PTGIS: variants seen among roughly 807,000 people sequenced by gnomAD.
PTGIS encodes the protein prostacyclin synthase.
A neutral mutation model predicts 50.3 loss-of-function variants in PTGIS; 45 were observed. That is an observed-to-expected ratio of 0.90 (90% CI 0.70 to 1.15). The LOEUF is 1.15. PTGIS is among the 50% of genes most tolerant of loss of function. PTGIS has a pLI of 0.00. For synonymous variants in PTGIS, 260 were observed against 267.7 expected (o/e 0.97, Z 0.28); for missense variants, 668 against 661.3 (o/e 1.01, Z -0.11).
At chr20:49,522,654 T>C (rs749626360) in intron 6 of PTGIS, among the ~76,000 whole-genome samples, 16 of 152,062 alleles carry the variant, frequency 1.1e-4, no homozygotes, top group Non-Finnish European at 1.8e-4. Context: ...AAACAATTCT[T>C]CAAAATAACT....
intron 5 of PTGIS, among the ~76,000 whole-genome samples, chr20:49,537,110 T>G (rs529785736): frequency 2.0e-5 from 3 of 152,210 alleles, no homozygotes; most frequent in Non-Finnish European, 4.4e-5. Flanking sequence ...CCCAGCCTTC[T>G]CAGGACACTT....
chr20:49,522,633 A>G (rs982185704), intron 6 of PTGIS, among the ~76,000 whole-genome samples: 4 of 152,146 alleles, frequency 2.6e-5, no homozygotes, highest in African/African-American at 4.8e-5. Context: ...CAGTGTCTCA[A>G]TGGAACTTCT....
intron 3 of PTGIS, among the ~76,000 whole-genome samples, chr20:49,546,371 C>G (rs143803072): frequency 1.0e-3 from 159 of 152,338 alleles, no homozygotes; most frequent in African/African-American, 3.5e-3. Flanking sequence ...CACTCAGGCT[C>G]CAAGCAGCTG....
At chr20:49,566,339 T>C (rs1982899096) in intron 1 of PTGIS, among the ~76,000 whole-genome samples, 1 of 152,216 alleles carries the variant, frequency 6.6e-6, no homozygotes, top group Non-Finnish European at 1.5e-5. Flanking sequence ...AAGATCTGCT[T>C]GTAGCAAAAA....
chr20:49,522,791 G>A (rs1302375336), intron 6 of PTGIS, among the ~76,000 whole-genome samples: 1 of 152,196 alleles, frequency 6.6e-6, no homozygotes, highest in Non-Finnish European at 1.5e-5. Flanking sequence ...TTGGGAGGCT[G>A]AGGCTGGTGG....
intron 3 of PTGIS, among the ~76,000 whole-genome samples, chr20:49,544,832 C>A (rs1187635341): frequency 6.6e-6 from 1 of 152,158 alleles, no homozygotes; most frequent in Non-Finnish European, 1.5e-5. Context: ...AGAGTCTTTC[C>A]CTCCCTAAGG....
At chr20:49,556,230 G>C (rs1358269074) in intron 1 of PTGIS, among the ~76,000 whole-genome samples, 1 of 152,062 alleles carries the variant, frequency 6.6e-6, no homozygotes, top group Non-Finnish European at 1.5e-5. Flanking sequence ...GTAGTTATTT[G>C]CCTAAGTATC....
In PTGIS at chr20:49,560,438, C is replaced by G. The variant is rs148434914; in HGVS notation, c.74+7605G>C. Among the ~76,000 whole-genome samples the G allele has an allele frequency of 5.4e-5, 8 of 148,108 alleles. No individual in the cohort carries two copies. The East Asian group carries it at 1.6e-3, about 30-fold the overall frequency. ...CTAGGTTGATCTTAACTCTTGGGCT[C>G]AAGCACTCCCTGTCTCAGCCTCCCA... On this transcript the variant is annotated intron_variant, in intron 1 of 9. Transcript: ENST00000244043.
intron 7 of PTGIS, 115 bp from the exon 8 acceptor site, chr20:49,513,376 CT>C (rs1981380039): frequency 8.6e-7 from 1 of 1,168,800 alleles, no homozygotes; most frequent in African/African-American, 1.5e-5. Flanking sequence ...GGGTGCCTGC[CT>C]CGCCCACACA....
At chr20:49,557,583 G>A in intron 1 of PTGIS, among the ~76,000 whole-genome samples, 1 of 151,252 alleles carries the variant, frequency 6.6e-6, no homozygotes. Context: ...AAGAAGAAAA[G>A]AAAAGAAAAC....
intron 8 of PTGIS, among the ~76,000 whole-genome samples, chr20:49,512,279 G>C (rs1029470826): frequency 6.6e-6 from 1 of 151,932 alleles, no homozygotes; most frequent in Non-Finnish European, 1.5e-5. Context: ...ATGGATGGGT[G>C]AATTTGTGAA....
At chr20:49,553,221 A>G (rs1452171584) in intron 1 of PTGIS, among the ~76,000 whole-genome samples, 1 of 152,146 alleles carries the variant, frequency 6.6e-6, no homozygotes, top group Non-Finnish European at 1.5e-5. Context: ...CATGAGGATT[A>G]TGAAGCTATA....
intron 5 of PTGIS, 29 bp downstream of exon 5, chr20:49,539,541 C>G: frequency 1.2e-6 from 2 of 1,609,530 alleles, no homozygotes. Flanking sequence ...ATCCTCCCCC[C>G]CACCCACTGG....
chr20:49,537,752 C>T, intron 5 of PTGIS, among the ~76,000 whole-genome samples: 1 of 151,926 alleles, frequency 6.6e-6, no homozygotes, highest in East Asian at 1.9e-4. Flanking sequence ...AAGACTCTGT[C>T]TCAAAAAAAC....
At position 49,567,140 on chromosome 20, in the gene PTGIS, C is replaced by T. The variant is rs374762224; in HGVS notation, c.74+903G>A. 5.3e-5 allele frequency among the ~76,000 whole-genome samples: 8 copies of T among 152,152 alleles called. No homozygotes were observed. The South Asian group carries it at 1.2e-3, about 24-fold the overall frequency. ...TGGGGGAGGGTTAAGGGGCTTCGGT[C>T]TTACCTATAACAGGATAAATATTTG... is the stretch of plus-strand genomic sequence containing the variant. On this transcript the variant is annotated intron_variant, in intron 1 of 9. Coordinates refer to ENST00000244043, the MANE Select transcript of PTGIS (RefSeq NM_000961.4).
chr20:49,515,543 A>G (rs1025440642), intron 6 of PTGIS, among the ~76,000 whole-genome samples: 2 of 152,254 alleles, frequency 1.3e-5, no homozygotes, highest in Non-Finnish European at 2.9e-5. Context: ...TTAAATCATC[A>G]TTAAATATCA....
intron 5 of PTGIS, 92 bp from the exon 6 acceptor site, chr20:49,524,331 C>G (rs900945607): frequency 7.1e-7 from 1 of 1,410,954 alleles, no homozygotes; most frequent in African/African-American, 1.4e-5. Context: ...GGCCAAGGGT[C>G]TTCTGAATGT....
At chr20:49,534,997 C>T (rs1982034127) in intron 5 of PTGIS, among the ~76,000 whole-genome samples, 1 of 152,034 alleles carries the variant, frequency 6.6e-6, no homozygotes, top group Non-Finnish European at 1.5e-5. Context: ...CAGAGCAAGA[C>T]TCTGTTTCAA....
At chr20:49,566,097 G>A (rs755140174) in intron 1 of PTGIS, among the ~76,000 whole-genome samples, 1 of 152,250 alleles carries the variant, frequency 6.6e-6, no homozygotes, top group African/African-American at 2.4e-5. Flanking sequence ...GGGCATGGTG[G>A]CACATGCCTG....
Sources: allele counts gnomAD v4.1 joint callset (sites outside exome capture counted in the v4.1 genomes callset), GRCh38; gene constraint gnomAD v4.1.1; transcripts MANE v1.5; gene names NCBI Gene and HGNC (gene_info 2026-07-23, HGNC 2026-07-21).